Variants in FKTN observed in about 807,000 individuals in gnomAD.
FKTN encodes fukutin, also known as ribitol-5-phosphate transferase FKTN.
FKTN carries 47 observed loss-of-function variants against 58.6 expected under a neutral mutation model. The observed-to-expected ratio is 0.80, with a 90% CI of 0.63 to 1.02. The LOEUF (loss-of-function observed/expected upper bound fraction) is 1.02, where lower values mean the gene tolerates loss of function less well. Among genes scored for constraint, FKTN ranks in the 50% least tolerant of loss-of-function variants. The pLI is 0.00. For synonymous variants in FKTN, 178 were observed against 191.9 expected, an observed-to-expected ratio of 0.93 and a Z score of 0.60; for missense variants, 516 against 537.3, an observed-to-expected ratio of 0.96 and a Z score of 0.39.
In FKTN at chr9:105,638,662, T is replaced by G; in HGVS notation, c.*3398T>G. The G allele has an allele frequency of 8.1e-6, 8 of 985,282 alleles. No homozygotes were observed. Among genetic ancestry groups the G allele is most frequent in the Non-Finnish European group, 9.6e-6 (8 of 829,828 alleles). 61.0% of individuals were successfully genotyped at this position (985,282 alleles called of 1,614,324 possible). On this transcript the variant is annotated 3_prime_UTR_variant, in exon 11 of 11. Coordinates refer to ENST00000357998, the MANE Select transcript of FKTN (RefSeq NM_001079802.2). Reference sequence around the variant, plus strand: ...CACAAAAAAGAATAATAGATGTAACTGGAGTCACTTTGCAGTTTTCAAGAT... The same window carrying G: ...CACAAAAAAGAATAATAGATGTAACGGGAGTCACTTTGCAGTTTTCAAGAT...
chr9:105,619,283 A>G (rs1831409661), intron 9 of FKTN, among the ~76,000 whole-genome samples: 2 of 152,276 alleles, frequency 1.3e-5, no homozygotes, highest in African/African-American at 4.8e-5. Flanking sequence ...TACCCTTGAG[A>G]AGCTCACTGT....
intron 3 of FKTN, among the ~76,000 whole-genome samples, chr9:105,581,479 G>T (rs954836791): frequency 1.5e-4 from 23 of 150,658 alleles, no homozygotes; most frequent in African/African-American, 5.7e-4. Context: ...TAGGCTGCTC[G>T]GGGGTCAGGG....
chr9:105,616,364 C>T (rs554099303), intron 8 of FKTN, among the ~76,000 whole-genome samples: 18 of 152,232 alleles, frequency 1.2e-4, no homozygotes, highest in African/African-American at 4.3e-4. Flanking sequence ...CTGAGAGGAA[C>T]ATTAAAGACA....
At chr9:105,613,515 A>T (rs1830296053) in intron 7 of FKTN, among the ~76,000 whole-genome samples, 2 of 152,160 alleles carry the variant, frequency 1.3e-5, no homozygotes, top group Non-Finnish European at 2.9e-5. Context: ...ATATTTTAGG[A>T]TGTTGCAGGC....
At chr9:105,571,551 C>T (rs952138036) in intron 1 of FKTN, among the ~76,000 whole-genome samples, 1 of 152,170 alleles carries the variant, frequency 6.6e-6, no homozygotes, top group Non-Finnish European at 1.5e-5. Flanking sequence ...GAAGAAAGAA[C>T]AAGATATTAA....
At chr9:105,567,554 G>C (rs1247604127) in intron 1 of FKTN, among the ~76,000 whole-genome samples, 2 of 152,142 alleles carry the variant, frequency 1.3e-5, no homozygotes, top group Non-Finnish European at 2.9e-5. Flanking sequence ...GCTTCAAAGA[G>C]AATAAAATAC....
At chr9:105,568,374 A>C (rs978245530) in intron 1 of FKTN, among the ~76,000 whole-genome samples, 23 of 152,226 alleles carry the variant, frequency 1.5e-4, no homozygotes, top group African/African-American at 5.5e-4. Flanking sequence ...AATGGGAGAA[A>C]ATTTTTGCAA....
chr9:105,628,489 G>A (rs1383153632), intron 10 of FKTN, among the ~76,000 whole-genome samples: 1 of 152,094 alleles, frequency 6.6e-6, no homozygotes, highest in African/African-American at 2.4e-5. Context: ...TTTCATTTAT[G>A]TGAAGTAAGT....
At chr9:105,611,455 A>G (rs894332959) in intron 7 of FKTN, among the ~76,000 whole-genome samples, 1 of 152,052 alleles carries the variant, frequency 6.6e-6, no homozygotes, top group East Asian at 1.9e-4. Flanking sequence ...TCACCACCCA[A>G]GTATTAAGCC....
At chr9:105,609,330 A>G (rs576257591) in intron 7 of FKTN, among the ~76,000 whole-genome samples, 4 of 152,312 alleles carry the variant, frequency 2.6e-5, no homozygotes, top group African/African-American at 4.8e-5. Context: ...AGCTGCAAGT[A>G]CAGTACCGAT....
In FKTN at chr9:105,636,578, C is replaced by G. The variant is rs1466577155; in HGVS notation, c.*1314C>G. 1 of 1,072,668 alleles carries G rather than the reference C, an allele frequency of 9.3e-7. No individual in the cohort carries two copies. Among genetic ancestry groups the G allele is most frequent in the Non-Finnish European group, 1.2e-6 (1 of 866,068 alleles). 66.4% of individuals were successfully genotyped at this position (1,072,668 alleles called of 1,614,324 possible). A position where few individuals can be genotyped will look rare whatever the true frequency, so the allele number is the denominator to read the frequency against. Reference sequence around the variant, plus strand: ...GAGTCAGCTAGGATGCTGTTTACCCCATCTCTCTCTTATATCACTTGAATG... The same window carrying G: ...GAGTCAGCTAGGATGCTGTTTACCCGATCTCTCTCTTATATCACTTGAATG... On this transcript the variant is annotated 3_prime_UTR_variant, in exon 11 of 11. Coordinates refer to ENST00000357998, the MANE Select transcript of FKTN (RefSeq NM_001079802.2).
intron 3 of FKTN, among the ~76,000 whole-genome samples, chr9:105,591,669 T>G (rs1054860961): frequency 2.6e-5 from 4 of 152,124 alleles, no homozygotes; most frequent in Non-Finnish European, 5.9e-5. Context: ...ATCTACCACT[T>G]TGGGGTCTGG....
chr9:105,581,796 C>G (rs564474433), intron 3 of FKTN, among the ~76,000 whole-genome samples: 63 of 152,360 alleles, frequency 4.1e-4, no homozygotes, highest in African/African-American at 1.4e-3. Context: ...TGATCTCAGA[C>G]TGCTGGGCTA....
rs368905126 is a variant in FKTN at position 105,590,194 on chromosome 9, T to TC, written c.106-6399dup. Among the ~76,000 whole-genome samples, 1,266 of 152,256 alleles carry TC rather than the reference T, an allele frequency of 8.3e-3. 16 individuals carry two copies. The highest frequency in any genetic ancestry group is 0.029 in the African/African-American group (1,209 of 41,544). On this transcript the variant is annotated intron_variant, in intron 3 of 10. Coordinates refer to ENST00000357998, the MANE Select transcript of FKTN (RefSeq NM_001079802.2). Reference sequence around the variant, plus strand: ...AGATAATTGAATCATGGGGGTGGCTTCCCCCATACTGTTCTTGTGGTAGCA... The same window carrying TC: ...AGATAATTGAATCATGGGGGTGGCTTCCCCCCATACTGTTCTTGTGGTAGCA...
At chr9:105,585,073 G>C (rs1843668890) in intron 3 of FKTN, among the ~76,000 whole-genome samples, 1 of 152,058 alleles carries the variant, frequency 6.6e-6, no homozygotes, top group African/African-American at 2.4e-5. Context: ...GTGAAAACAG[G>C]ATACTGTCTG....
At chr9:105,626,981 C>CTTTTTTTTTTTTTT (rs60710867) in intron 10 of FKTN, among the ~76,000 whole-genome samples, 9 of 128,032 alleles carry the variant, frequency 7.0e-5, no homozygotes, top group African/African-American at 2.1e-4. Context: ...CTTCTTTATT[C>CTTTTTTTTTTTTTT]TTTTTTTTTT....
chr9:105,559,778 GTAAT>G (rs1396073597), intron 1 of FKTN, among the ~76,000 whole-genome samples: 2 of 152,188 alleles, frequency 1.3e-5, no homozygotes, highest in African/African-American at 4.8e-5. Flanking sequence ...TGCATGGACT[GTAAT>G]TTAAATAGTG....
rs973681123 is a variant in FKTN at position 105,636,264 on chromosome 9, A to G, written c.*1000A>G. ...AACATACTCTTTATTATCTTCATTT[A>G]TCAATTACAGCTTCGTATCTCTAAT... is the stretch of plus-strand genomic sequence containing the variant. On this transcript the variant is annotated 3_prime_UTR_variant, in exon 11 of 11. Coordinates refer to ENST00000357998, the MANE Select transcript of FKTN (RefSeq NM_001079802.2). 2 of 935,660 alleles carry G rather than the reference A, an allele frequency of 2.1e-6. No homozygotes were observed. The highest frequency in any genetic ancestry group is 2.5e-6 in the Non-Finnish European group (2 of 784,714). 58.0% of individuals were successfully genotyped at this position (935,660 alleles called of 1,614,324 possible).
chr9:105,608,288 A>G (rs1829281436), intron 7 of FKTN, among the ~76,000 whole-genome samples: 1 of 152,242 alleles, frequency 6.6e-6, no homozygotes, highest in Non-Finnish European at 1.5e-5. Flanking sequence ...TAAAGCCACT[A>G]TAGAAGATGG....
Sources: gnomAD v4.1 joint callset for allele counts (sites outside exome capture counted in the v4.1 genomes callset) on GRCh38, gnomAD v4.1.1 for gene constraint, MANE v1.5 for transcripts, NCBI Gene and HGNC (gene_info 2026-07-23, HGNC 2026-07-21) for gene names.